HIP1: variants seen among roughly 807,000 people sequenced by gnomAD.
The protein encoded by HIP1 is huntingtin interacting protein 1, also known as huntingtin-interacting protein 1.
HIP1 carries 65 observed loss-of-function variants against 147.6 expected under a neutral mutation model. The ratio of observed to expected loss-of-function variants is 0.44; its 90% confidence interval spans 0.36 to 0.54. The LOEUF is 0.54. Among genes scored for constraint, HIP1 ranks in the 20% least tolerant of loss-of-function variants. The pLI is 0.00. For synonymous variants in HIP1, 479 were observed against 504.0 expected (o/e 0.95, Z 0.67); for missense variants, 1,061 against 1,299.6 (o/e 0.82, Z 2.82).
At chr7:75,668,573 C>G (rs190525487) in intron 1 of HIP1, among the ~76,000 whole-genome samples, 1 of 152,184 alleles carries the variant, frequency 6.6e-6, no homozygotes, top group Non-Finnish European at 1.5e-5. Context: ...GATCCACCCA[C>G]CTTGGCCTCC....
intron 8 of HIP1, among the ~76,000 whole-genome samples, chr7:75,572,012 C>T (rs1275020373): frequency 1.3e-5 from 2 of 152,104 alleles, no homozygotes; most frequent in Non-Finnish European, 2.9e-5. Context: ...GAGTTCGAGA[C>T]CAGCCTGGCC....
chr7:75,653,356 A>G (rs1799051147), intron 1 of HIP1, among the ~76,000 whole-genome samples: 1 of 152,148 alleles, frequency 6.6e-6, no homozygotes, highest in Non-Finnish European at 1.5e-5. Flanking sequence ...TGTGTCTATT[A>G]ATAAAATAGG....
intron 1 of HIP1, among the ~76,000 whole-genome samples, chr7:75,704,248 T>C (rs1800923196): frequency 6.6e-6 from 1 of 152,152 alleles, no homozygotes; most frequent in Non-Finnish European, 1.5e-5. Context: ...TTTATTTATT[T>C]ATTTATTTAT....
chr7:75,602,392 T>C (rs807869), intron 1 of HIP1, among the ~76,000 whole-genome samples: 89,475 of 145,806 alleles, frequency 0.61, 29,383 homozygotes, highest in African/African-American at 0.87. Flanking sequence ...ACTTGAACAC[T>C]TGGATTCCAG....
chr7:75,584,389 T>A (rs1796176812), intron 5 of HIP1, among the ~76,000 whole-genome samples: 1 of 152,156 alleles, frequency 6.6e-6, no homozygotes, highest in Admixed American at 6.6e-5. Flanking sequence ...CCTTCCCCAC[T>A]CTTGTATCGC....
chr7:75,726,690 A>G (rs1801659948), intron 1 of HIP1, among the ~76,000 whole-genome samples: 1 of 148,338 alleles, frequency 6.7e-6, no homozygotes, highest in Admixed American at 6.8e-5. Flanking sequence ...GAGGTATCTC[A>G]TTAAATGTTT....
chr7:75,627,173 G>A (rs587640101), intron 1 of HIP1, among the ~76,000 whole-genome samples: 3 of 152,162 alleles, frequency 2.0e-5, no homozygotes, highest in South Asian at 2.1e-4. Context: ...ATCTCTCCTC[G>A]GGGACAGAGA....
rs1432387317 is a variant in HIP1, at chr7:75,595,239, TCTTTCTTTCTTTCTTCCTTCCTTCCTTC to T, written c.185-2753_185-2726del. Among the ~76,000 whole-genome samples, 204 of 110,670 alleles carry T rather than the reference TCTTTCTTTCTTTCTTCCTTCCTTCCTTC, an allele frequency of 1.8e-3. 3 individuals are homozygous for T. Among genetic ancestry groups the T allele is most frequent in the Admixed American group, 8.3e-4 (9 of 10,904 alleles). The allele number at this position is 110,670 out of a possible 152,430, so 72.6% of individuals were successfully genotyped here. The stretch of plus-strand genomic sequence containing the variant: ...TTCTTTCTTTCTTTCTTTCTTTCTT[TCTTTCTTTCTTTCTTCCTTCCTTCCTTC>T]CTTCCTTCCTTCCTTCCTTTCTTTC... On this transcript the variant is annotated intron_variant, in intron 2 of 30. Transcript: ENST00000336926.
chr7:75,547,036 C>T lies in HIP1; in HGVS notation c.2466-4G>A. 6.3e-7 allele frequency: 1 copy of T among 1,576,046 alleles called. No homozygotes were observed. Among genetic ancestry groups the T allele is most frequent in the Non-Finnish European group, 8.6e-7 (1 of 1,159,266 alleles). The stretch of plus-strand genomic sequence containing the variant: ...GCTGGTACAGCAACCAAGGATCCTG[C>T]CAAACAAACAAGTCGAGGATACACT... On this transcript the variant is annotated splice_region_variant and splice_polypyrimidine_tract_variant and intron_variant, in intron 24 of 30. Transcript: ENST00000336926.
chr7:75,605,343 A>C (rs957317603), intron 1 of HIP1, among the ~76,000 whole-genome samples: 2 of 152,150 alleles, frequency 1.3e-5, no homozygotes, highest in Non-Finnish European at 2.9e-5. Context: ...GGCATGGAGC[A>C]TGCAGCCTGA....
chr7:75,732,995 C>T (rs782341775), intron 1 of HIP1, among the ~76,000 whole-genome samples: 29 of 152,214 alleles, frequency 1.9e-4, no homozygotes, highest in Non-Finnish European at 2.5e-4. Context: ...TTATCTTACT[C>T]ATCTCTGTGT....
intron 1 of HIP1, among the ~76,000 whole-genome samples, chr7:75,693,986 C>G (rs1487050492): frequency 7.0e-6 from 1 of 142,978 alleles, no homozygotes; most frequent in African/African-American, 2.6e-5. Context: ...GTGGTGCAAT[C>G]TCAGCTCCCT....
At chr7:75,687,148 T>C (rs1554517658) in intron 1 of HIP1, among the ~76,000 whole-genome samples, 1 of 152,164 alleles carries the variant, frequency 6.6e-6, no homozygotes, top group African/African-American at 2.4e-5. Context: ...AAAACATCCC[T>C]AATGAAAGGT....
intron 1 of HIP1, among the ~76,000 whole-genome samples, chr7:75,679,044 C>T (rs1470129248): frequency 2.0e-5 from 3 of 152,116 alleles, no homozygotes; most frequent in Non-Finnish European, 2.9e-5. Context: ...AAACTGGGGT[C>T]GCTAACTTAA....
At chr7:75,558,328 T>A in intron 14 of HIP1, 73 bp from the exon 15 acceptor site, 1 of 1,153,872 alleles carries the variant, frequency 8.7e-7, no homozygotes, top group African/African-American at 1.5e-5. Context: ...TGAGCCAGGG[T>A]CCCTAGAAGG....
chr7:75,727,331 A>C (rs1317240185), intron 1 of HIP1, among the ~76,000 whole-genome samples: 1 of 149,102 alleles, frequency 6.7e-6, no homozygotes, highest in African/African-American at 2.5e-5. Flanking sequence ...TCTGGGCTCA[A>C]GGGATCCGCC....
chr7:75,609,365 C>T (rs1797340969), intron 1 of HIP1, among the ~76,000 whole-genome samples: 1 of 152,080 alleles, frequency 6.6e-6, no homozygotes, highest in Non-Finnish European at 1.5e-5. Flanking sequence ...CCCAGGGGGC[C>T]AGGGAATGTC....
At chr7:75,718,797 G>A (rs1253030744) in intron 1 of HIP1, among the ~76,000 whole-genome samples, 3 of 152,104 alleles carry the variant, frequency 2.0e-5, no homozygotes, top group African/African-American at 4.8e-5. Context: ...CAACAAAGGC[G>A]GGTCACAGTC....
chr7:75,606,265 A>C (rs587689354), intron 1 of HIP1, among the ~76,000 whole-genome samples: 41 of 152,290 alleles, frequency 2.7e-4, no homozygotes, highest in African/African-American at 8.2e-4. Flanking sequence ...GGACTGGCAG[A>C]TAGGAGCTCC....
Sources: allele counts gnomAD v4.1 joint callset (sites outside exome capture counted in the v4.1 genomes callset), GRCh38; gene constraint gnomAD v4.1.1; transcripts MANE v1.5; gene names NCBI Gene and HGNC (gene_info 2026-07-23, HGNC 2026-07-21).